Variants in ARHGEF3 observed in about 807,000 individuals in gnomAD.
ARHGEF3 encodes 59.8 kDA protein.
Under a neutral mutation model 63.2 loss-of-function variants are expected in ARHGEF3, and 28 were observed. The ratio of observed to expected loss-of-function variants is 0.44; its 90% CI spans 0.33 to 0.61. The LOEUF is 0.61. Ranked by LOEUF, ARHGEF3 falls within the 20% of genes least tolerant of loss-of-function variation. ARHGEF3 has a pLI of 0.03. For synonymous variants in ARHGEF3, 266 were observed against 254.2 expected, an observed-to-expected ratio of 1.05 and a Z score of -0.44; for missense variants, 533 against 659.3, an observed-to-expected ratio of 0.81 and a Z score of 2.10.
intron 3 of ARHGEF3, among the ~76,000 whole-genome samples, chr3:56,927,123 C>A (rs1259457608): frequency 6.6e-6 from 1 of 152,230 alleles, no homozygotes; most frequent in East Asian, 1.9e-4. Flanking sequence ...TAATGCGTGA[C>A]CCCTGATCAT....
chr3:57,034,653 A>AT, intron 2 of ARHGEF3, among the ~76,000 whole-genome samples: 1 of 137,962 alleles, frequency 7.2e-6, no homozygotes, highest in African/African-American at 3.0e-5. Context: ...CTAACTCCAA[A>AT]TTCTTTTTTT....
chr3:56,794,488 C>CAAAAAAAAAAAAAAAAAAAAAAAAAAAA (rs10557985), intron 1 of ARHGEF3, among the ~76,000 whole-genome samples: 3 of 116,934 alleles, frequency 2.6e-5, no homozygotes, highest in African/African-American at 9.6e-5. Flanking sequence ...GACTCTATCT[C>CAAAAAAAAAAAAAAAAAAAAAAAAAAAA]AAAAAAAAAA....
At chr3:56,904,633 T>G (rs1010025708) in intron 3 of ARHGEF3, among the ~76,000 whole-genome samples, 7 of 152,250 alleles carry the variant, frequency 4.6e-5, no homozygotes, top group Non-Finnish European at 1.0e-4. Flanking sequence ...AGAAGACAGC[T>G]GGATTCATAC....
chr3:57,052,181 GGCC>G (rs199769376), intron 1 of ARHGEF3, among the ~76,000 whole-genome samples: 2,913 of 152,312 alleles, frequency 0.019, 90 homozygotes, highest in African/African-American at 0.065. Context: ...CCTTGCCCAA[GGCC>G]GCCAGCCAGC....
intron 3 of ARHGEF3, chr3:56,938,932 G>A (rs967581998): frequency 8.5e-5 from 13 of 152,272 alleles, no homozygotes; most frequent in Non-Finnish European, 2.9e-5. Flanking sequence ...GACTCAGGTA[G>A]TGTGGTCCTT....
At chr3:57,044,246 C>G (rs1704350707) in intron 1 of ARHGEF3, among the ~76,000 whole-genome samples, 1 of 152,214 alleles carries the variant, frequency 6.6e-6, no homozygotes, top group South Asian at 2.1e-4. Flanking sequence ...AAAGATGATA[C>G]AAACCTGCTG....
intron 2 of ARHGEF3, among the ~76,000 whole-genome samples, chr3:56,990,862 T>C (rs1331837593): frequency 1.3e-5 from 2 of 152,184 alleles, no homozygotes; most frequent in African/African-American, 2.4e-5. Flanking sequence ...TCTCTGCCTC[T>C]GAACCAGAGG....
At chr3:56,968,428 C>G (rs1700762852) in intron 2 of ARHGEF3, among the ~76,000 whole-genome samples, 1 of 137,576 alleles carries the variant, frequency 7.3e-6, no homozygotes, top group South Asian at 2.2e-4. Context: ...CAGCCTTGAA[C>G]TCCCCAGCTC....
intron 2 of ARHGEF3, among the ~76,000 whole-genome samples, chr3:57,014,922 T>TG (rs1443364165): frequency 6.6e-6 from 1 of 152,126 alleles, no homozygotes; most frequent in Non-Finnish European, 1.5e-5. Flanking sequence ...CCTGACCTCG[T>TG]GATCCTCCCG....
chr3:56,810,231 T>C (rs1478886773), intron 4 of ARHGEF3, among the ~76,000 whole-genome samples: 1 of 152,184 alleles, frequency 6.6e-6, no homozygotes, highest in Admixed American at 6.5e-5. Context: ...GACTGTAATA[T>C]GTGCTATTAT....
At chr3:56,944,820 C>G (rs1560072106) in intron 3 of ARHGEF3, among the ~76,000 whole-genome samples, 1 of 151,934 alleles carries the variant, frequency 6.6e-6, no homozygotes, top group Non-Finnish European at 1.5e-5. Flanking sequence ...CTCAAGTGAT[C>G]CACCCACCTC....
chr3:56,755,284 G>C, intron 2 of ARHGEF3, 133 bp from the exon 3 acceptor site: 1 of 1,005,752 alleles, frequency 9.9e-7, no homozygotes, highest in Non-Finnish European at 1.5e-6. Flanking sequence ...CAAGGCCTTT[G>C]GGAAGTGGGG....
intron 2 of ARHGEF3, among the ~76,000 whole-genome samples, chr3:57,020,995 T>C (rs11130560): frequency 0.26 from 39,771 of 152,210 alleles, 5,561 homozygotes; most frequent in Middle Eastern, 0.33. Context: ...GGTTTGTTCA[T>C]TTCCTCTAGC....
At chr3:56,794,244 T>C (rs1348981727) in intron 1 of ARHGEF3, among the ~76,000 whole-genome samples, 1 of 152,006 alleles carries the variant, frequency 6.6e-6, no homozygotes, top group Admixed American at 6.6e-5. Context: ...TCCTATCACT[T>C]TGGGAGGCCG....
intron 3 of ARHGEF3, among the ~76,000 whole-genome samples, chr3:56,930,926 G>C (rs1353898014): frequency 6.6e-6 from 1 of 152,148 alleles, no homozygotes; most frequent in African/African-American, 2.4e-5. Flanking sequence ...TCGAGGACAA[G>C]TATTTTAGTG....
At chr3:56,761,524 ACTC>A (rs1458143354) in intron 2 of ARHGEF3, among the ~76,000 whole-genome samples, 2 of 151,786 alleles carry the variant, frequency 1.3e-5, no homozygotes, top group Non-Finnish European at 2.9e-5. Context: ...TAGAAGGTAA[ACTC>A]CTTGAAGGCA....
At chr3:56,915,462 T>C (rs905291503) in intron 3 of ARHGEF3, among the ~76,000 whole-genome samples, 8 of 151,894 alleles carry the variant, frequency 5.3e-5, no homozygotes, top group African/African-American at 1.9e-4. Flanking sequence ...CAAGATTCTG[T>C]CTCAAAAAAC....
At chr3:57,003,401 C>CAAAAAAAAAAA (rs60214570) in intron 2 of ARHGEF3, among the ~76,000 whole-genome samples, 15 of 43,728 alleles carry the variant, frequency 3.4e-4, no homozygotes, top group East Asian at 1.2e-3. Flanking sequence ...GACGCCGTCT[C>CAAAAAAAAAAA]AAAAAAAAAA....
intron 4 of ARHGEF3, among the ~76,000 whole-genome samples, chr3:56,831,171 G>T (rs1285505660): frequency 6.6e-6 from 1 of 152,194 alleles, no homozygotes; most frequent in East Asian, 1.9e-4. Flanking sequence ...CTCTTCTCAA[G>T]AACACTTTTA....
Sources: gnomAD v4.1 joint callset for allele counts (sites outside exome capture counted in the v4.1 genomes callset) on GRCh38, gnomAD v4.1.1 for gene constraint, MANE v1.5 for transcripts, NCBI Gene and HGNC (gene_info 2026-07-23, HGNC 2026-07-21) for gene names.